Variants in VCL observed in about 807,000 individuals in gnomAD.
VCL encodes vinculin.
VCL carries 47 observed loss-of-function variants against 125.7 expected under a neutral mutation model. The ratio of observed to expected loss-of-function variants is 0.37; its 90% CI spans 0.30 to 0.48. VCL has a LOEUF of 0.48. Among genes scored for constraint, VCL ranks in the 20% least tolerant of loss-of-function variants. The pLI, the probability that VCL is intolerant of heterozygous loss-of-function variation, is 0.99. For synonymous variants in VCL, 458 were observed against 514.6 expected (o/e 0.89, Z 1.49); for missense variants, 1,069 against 1,455.5 (o/e 0.73, Z 4.32).
chr10:74,043,491 C>T (rs528878244), intron 2 of VCL, among the ~76,000 whole-genome samples: 3 of 152,086 alleles, frequency 2.0e-5, no homozygotes, highest in South Asian at 4.2e-4. Flanking sequence ...GGATTATAGG[C>T]GCGTGCCACC....
intron 6 of VCL, among the ~76,000 whole-genome samples, chr10:74,079,373 T>A (rs751065432): frequency 1.3e-5 from 2 of 152,146 alleles, no homozygotes; most frequent in Non-Finnish European, 2.9e-5. Context: ...TGGTAGAGAC[T>A]TTTCTTTTTC....
intron 1 of VCL, among the ~76,000 whole-genome samples, chr10:74,036,941 C>G (rs1171178712): frequency 6.7e-6 from 1 of 149,666 alleles, no homozygotes; most frequent in Non-Finnish European, 1.5e-5. Context: ...GATGGAGTCT[C>G]GCTCTGTCAC....
At chr10:74,074,653 A>G in intron 5 of VCL, 90 bp from the exon 6 acceptor site, 2 of 1,493,008 alleles carry the variant, frequency 1.3e-6, no homozygotes, top group Non-Finnish European at 1.8e-6. Flanking sequence ...TAAAAGCCCA[A>G]AACATCTAAA....
At chr10:74,019,898 A>C (rs2136232779) in intron 1 of VCL, among the ~76,000 whole-genome samples, 1 of 152,128 alleles carries the variant, frequency 6.6e-6, no homozygotes, top group East Asian at 1.9e-4. Context: ...CCCTTTCTCT[A>C]CTAAAAATAC....
chr10:74,102,641 A>G (rs1252133244), intron 14 of VCL, among the ~76,000 whole-genome samples: 1 of 152,246 alleles, frequency 6.6e-6, no homozygotes, highest in East Asian at 1.9e-4. Context: ...TTAATAAATT[A>G]GATCCTCTTG....
chr10:74,107,798 T>TA (rs1840161268), intron 17 of VCL, among the ~76,000 whole-genome samples: 1 of 152,174 alleles, frequency 6.6e-6, no homozygotes, highest in South Asian at 2.1e-4. Flanking sequence ...AGTAACAAGA[T>TA]ACATGCTTTT....
intron 1 of VCL, among the ~76,000 whole-genome samples, chr10:74,031,970 A>T (rs933224152): frequency 2.7e-5 from 4 of 148,848 alleles, no homozygotes; most frequent in Middle Eastern, 3.2e-3. Flanking sequence ...AGGCTGAGGC[A>T]GGAGAATCAC....
chr10:74,023,812 C>T (rs1471402550), intron 1 of VCL, among the ~76,000 whole-genome samples: 2 of 152,188 alleles, frequency 1.3e-5, no homozygotes, highest in Non-Finnish European at 1.5e-5. Context: ...AAGGCACAAA[C>T]ACAAATAGTA....
chr10:74,014,808 CT>C (rs1840507426), intron 1 of VCL, among the ~76,000 whole-genome samples: 1 of 152,160 alleles, frequency 6.6e-6, no homozygotes, highest in Non-Finnish European at 1.5e-5. Context: ...TTGCATTAGT[CT>C]CCTGAGTAGT....
chr10:74,098,931 T>C (rs1451869683), intron 13 of VCL, among the ~76,000 whole-genome samples: 1 of 152,210 alleles, frequency 6.6e-6, no homozygotes, highest in African/African-American at 2.4e-5. Flanking sequence ...TCTCAGAAAT[T>C]TGTGAGTTGT....
At chr10:74,068,111 C>A (rs900221173) in intron 2 of VCL, among the ~76,000 whole-genome samples, 13 of 152,102 alleles carry the variant, frequency 8.5e-5, no homozygotes, top group Non-Finnish European at 1.5e-4. Flanking sequence ...CTGCAGATTG[C>A]AATATGGCAA....
intron 1 of VCL, among the ~76,000 whole-genome samples, chr10:74,002,875 T>C (rs1840254102): frequency 7.1e-6 from 1 of 141,780 alleles, no homozygotes. Flanking sequence ...AGGAAGACTC[T>C]GTCTCAAAAA....
intron 2 of VCL, among the ~76,000 whole-genome samples, chr10:74,057,983 T>A (rs1841417570): frequency 6.6e-6 from 1 of 152,232 alleles, no homozygotes; most frequent in South Asian, 2.1e-4. Context: ...GAACCTGTTT[T>A]GGCATTTCTT....
chr10:74,103,762 G>A, intron 14 of VCL, 58 bp from the exon 15 acceptor site: 1 of 1,523,726 alleles, frequency 6.6e-7, no homozygotes, highest in Non-Finnish European at 9.1e-7. Flanking sequence ...CTTGGCTGAA[G>A]GTTTGTATCT....
chr10:74,070,565 A>G, intron 2 of VCL, 105 bp from the exon 3 acceptor site: 3 of 1,532,884 alleles, frequency 2.0e-6, no homozygotes, highest in Non-Finnish European at 2.7e-6. Context: ...TTTTTCATGT[A>G]GGGAAAAAAA....
At chr10:74,083,199 A>C (rs147766405) in intron 7 of VCL, among the ~76,000 whole-genome samples, 167 bp from the exon 8 acceptor site, 1 of 152,058 alleles carries the variant, frequency 6.6e-6, no homozygotes, top group South Asian at 2.1e-4. Context: ...ACCTCACCCT[A>C]TGGTTTAAGG....
At chr10:74,096,153 T>C (rs72816369) in intron 12 of VCL, among the ~76,000 whole-genome samples, 3 of 59,506 alleles carry the variant, frequency 5.0e-5, no homozygotes, top group African/African-American at 6.6e-5. Context: ...AAATGGACTT[T>C]TTTTTTTTTT....
Position 74,118,639 on chromosome 10 carries a change from C to G in VCL, c.*470C>G. On this transcript the variant is annotated 3_prime_UTR_variant, in exon 22 of 22. Coordinates refer to ENST00000211998, the MANE Select transcript of VCL (RefSeq NM_014000.3). ...GCCTCCCAAAATTGTTTTGAGCTTT[C>G]CATGTTGCTGCCAACCATACCTTCC... The G allele has an allele frequency of 4.1e-6, 1 of 242,540 alleles. No individual in the cohort carries two copies. The highest frequency in any genetic ancestry group is 9.8e-5 in the East Asian group (1 of 10,162). The allele number at this position is 242,540 out of a possible 1,614,324, so 15.0% of individuals were successfully genotyped here. A position where few individuals can be genotyped will look rare whatever the true frequency, so the allele number is the denominator to read the frequency against.
At chr10:74,027,468 C>T (rs1840793769) in intron 1 of VCL, 1 of 151,708 alleles carries the variant, frequency 6.6e-6, no homozygotes, top group African/African-American at 2.4e-5. Flanking sequence ...CAAGACTAGC[C>T]TGGCCAACAT....
Sources: allele counts gnomAD v4.1 joint callset (sites outside exome capture counted in the v4.1 genomes callset), GRCh38; gene constraint gnomAD v4.1.1; transcripts MANE v1.5; gene names NCBI Gene and HGNC (gene_info 2026-07-23, HGNC 2026-07-21).